PTGS1: variants seen among roughly 807,000 people sequenced by gnomAD.
PTGS1 encodes the protein prostaglandin-endoperoxide synthase 1, also known as prostaglandin G/H synthase 1.
In PTGS1, 40 loss-of-function variants were observed where a neutral mutation model predicts 63.0. The observed-to-expected ratio is 0.63, with a 90% CI of 0.49 to 0.83. The LOEUF is 0.83. Ranked by LOEUF, PTGS1 falls within the 40% of genes least tolerant of loss-of-function variation. The pLI, the probability that PTGS1 is intolerant of heterozygous loss-of-function variation, is 0.00. For missense variants in PTGS1, 709 were observed against 786.5 expected, an observed-to-expected ratio of 0.90 and a Z score of 1.18; for synonymous variants, 298 against 301.9, an observed-to-expected ratio of 0.99 and a Z score of 0.13.
intron 10 of PTGS1, among the ~76,000 whole-genome samples, chr9:122,391,398 C>CATATATATATGTAT (rs1838258931): frequency 1.1e-5 from 1 of 93,180 alleles, no homozygotes. Context: ...TATATATATA[C>CATATATATATGTAT]ATATATATAT....
upstream of PTGS1, chr9:122,370,823 T>C (rs2119100830): frequency 3.3e-6 from 2 of 606,472 alleles, no homozygotes; most frequent in South Asian, 2.0e-5. Context: ...CTATATCTAG[T>C]GCCACCAGGC....
At chr9:122,378,139 G>T in intron 3 of PTGS1, 124 bp downstream of exon 3, 1 of 1,012,752 alleles carries the variant, frequency 9.9e-7, no homozygotes. Flanking sequence ...TTCCTTGCCT[G>T]GTTCTGCCCC....
At chr9:122,374,764 A>T (rs2119118076) in intron 2 of PTGS1, among the ~76,000 whole-genome samples, 1 of 152,208 alleles carries the variant, frequency 6.6e-6, no homozygotes, top group South Asian at 2.1e-4. Flanking sequence ...GACAAATCCA[A>T]CTCAACTGGG....
intron 9 of PTGS1, among the ~76,000 whole-genome samples, chr9:122,389,287 A>T (rs374726196): frequency 6.6e-6 from 1 of 150,654 alleles, no homozygotes; most frequent in East Asian, 2.0e-4. Context: ...AATAGCTGGG[A>T]TTACTGGCAC....
At chr9:122,391,412 TATATATATATATATAC>T (rs59124418) in intron 10 of PTGS1, among the ~76,000 whole-genome samples, 10,967 of 49,176 alleles carry the variant, frequency 0.22, 638 homozygotes, top group African/African-American at 0.34. Flanking sequence ...TATATATACA[TATATATATATATATAC>T]ATATATATAT....
chr9:122,383,650 A>T lies in PTGS1; in HGVS notation c.904A>T (p.Thr302Ser). 6.2e-7 allele frequency: 1 copy of T among 1,614,100 alleles called. No homozygotes were observed. The highest frequency in any genetic ancestry group is 8.5e-7 in the Non-Finnish European group (1 of 1,180,034). The change falls in exon 8 of 11, where the codon ACG (threonine) becomes TCG (serine). Residue 302 changes from threonine (T) to serine (S), a missense_variant. By Grantham distance (58) the Thr-to-Ser change is moderately conservative. Transcript: ENST00000362012. ...GCTTCCTGGGCTCATGCTGTATGCCACGCTCTGGCTACGTGAGCACAACCG... is the reference window on the plus strand; with the variant it reads ...GCTTCCTGGGCTCATGCTGTATGCCTCGCTCTGGCTACGTGAGCACAACCG... ...GLLPGLMLYA[T>S]LWLREHNRVC... is the part of the protein sequence containing the mutation.
intron 2 of PTGS1, chr9:122,371,792 G>T (rs991000188): frequency 2.0e-6 from 3 of 1,534,820 alleles, no homozygotes; most frequent in Non-Finnish European, 2.6e-6. Flanking sequence ...TTCATCTGGG[G>T]TTTAAGAGAT....
In PTGS1 at chr9:122,377,917, A is replaced by T. The variant is rs754929199; in HGVS notation, c.113A>T (p.Tyr38Phe). ...APTPVNPCCYYPCQHQGICVR... is the reference protein window; with the variant it reads ...APTPVNPCCYFPCQHQGICVR... ...CCCACAGTGAATCCCTGTTGTTACT[A>T]TCCATGCCAGCACCAGGGCATCTGT... Residue 38 changes from tyrosine to phenylalanine, a missense_variant, in exon 3 of 11, where the codon TAT (tyrosine) becomes TTT (phenylalanine). Transcript: ENST00000362012. The T allele has an allele frequency of 3.1e-6, 5 of 1,614,028 alleles. No individual in the cohort carries two copies. The South Asian group carries it at 5.5e-5, about 18-fold the overall frequency.
In PTGS1 at chr9:122,391,347, CTATATATATACATAT is replaced by C. The variant is rs1564147086; in HGVS notation, c.1445-841_1445-827del. ...ATATATATGTGTGTGTATATATATACTATATATATACATATATATATATACATATATATATATACA... is the reference window on the plus strand; with the variant it reads ...ATATATATGTGTGTGTATATATATACATATATATACATATATATATATACA... On this transcript the variant is annotated intron_variant, in intron 10 of 10. Coordinates refer to ENST00000362012, the MANE Select transcript of PTGS1 (RefSeq NM_000962.4). 7.6e-4 allele frequency among the ~76,000 whole-genome samples: 83 copies of C among 109,558 alleles called. 1 individual carries two copies. The highest frequency in any genetic ancestry group is 2.7e-3 in the African/African-American group (74 of 27,542). 71.9% of individuals were successfully genotyped at this position (109,558 alleles called of 152,430 possible).
At position 122,386,657 on chromosome 9, in the gene PTGS1, G is replaced by A. The variant is rs372921878; in HGVS notation, c.1221G>A (p.Leu407=). The A allele has an allele frequency of 3.3e-5, 54 of 1,614,210 alleles. No individual in the cohort carries two copies. Among genetic ancestry groups the A allele is most frequent in the Non-Finnish European group, 4.3e-5 (51 of 1,180,040 alleles). Residue 407 remains leucine (L), a synonymous_variant, in exon 9 of 11, where the codon TTG becomes TTA. Coordinates refer to ENST00000362012, the MANE Select transcript of PTGS1 (RefSeq NM_000962.4). ...AGGAGTACAGCTACGAGCAGTTCTT[G>A]TTCAACACCTCCATGTTGGTGGACT... ...GSQEYSYEQF[L]FNTSMLVDYG...
At chr9:122,386,753 G>A in intron 9 of PTGS1, 21 bp downstream of exon 9, 2 of 1,608,524 alleles carry the variant, frequency 1.2e-6, no homozygotes, top group Non-Finnish European at 1.7e-6. Flanking sequence ...GAGGAGTGCT[G>A]GTGAGGGCAG....
intron 2 of PTGS1, among the ~76,000 whole-genome samples, chr9:122,376,027 G>T (rs1489609235): frequency 6.6e-6 from 1 of 152,048 alleles, no homozygotes; most frequent in Non-Finnish European, 1.5e-5. Flanking sequence ...CCAGCAGGAG[G>T]GGCAAGAAGA....
chr9:122,382,030 A>G (rs1304730126), intron 7 of PTGS1, among the ~76,000 whole-genome samples: 10 of 152,212 alleles, frequency 6.6e-5, no homozygotes, highest in Admixed American at 6.5e-4. Flanking sequence ...ATTCCACAAT[A>G]TTAATTGGAC....
At chr9:122,370,987 G>A (rs1474357564), upstream of PTGS1, 6 of 1,516,142 alleles carry the variant, frequency 4.0e-6, no homozygotes, top group Admixed American at 4.0e-5. Context: ...GTGGAGCCGG[G>A]GGAAGGGTGG....
chr9:122,381,851 A>T (rs1837549242), intron 7 of PTGS1, 104 bp downstream of exon 7: 2 of 1,216,342 alleles, frequency 1.6e-6, no homozygotes, highest in African/African-American at 3.0e-5. Context: ...GAGAGGGCCA[A>T]CCACGGGAGT....
chr9:122,391,376 TATATATATACATATATATATAC>T (rs1838247120), intron 10 of PTGS1, among the ~76,000 whole-genome samples: 1 of 106,104 alleles, frequency 9.4e-6, no homozygotes, highest in African/African-American at 4.2e-5. Flanking sequence ...TATATACATA[TATATATATACATATATATATAC>T]ATATATATAT....
At position 122,383,054 on chromosome 9, in the gene PTGS1, C is replaced by T. The variant is rs148663561; in HGVS notation, c.763-455C>T. The stretch of plus-strand genomic sequence containing the variant: ...GCGTTTGCTGAGCCTAGTGATGGAG[C>T]GTAAGAATGACTTTACAGGAAGGTG... On this transcript the variant is annotated intron_variant, in intron 7 of 10. Coordinates refer to ENST00000362012, the MANE Select transcript of PTGS1 (RefSeq NM_000962.4). 3.1e-3 allele frequency among the ~76,000 whole-genome samples: 471 copies of T among 152,054 alleles called. 1 individual carries two copies. The highest frequency in any genetic ancestry group is 4.9e-3 in the Non-Finnish European group (335 of 67,982).
At chr9:122,379,623 G>A (rs1291651551) in intron 5 of PTGS1, among the ~76,000 whole-genome samples, 2 of 152,198 alleles carry the variant, frequency 1.3e-5, no homozygotes, top group African/African-American at 4.8e-5. Context: ...GAGCACTACT[G>A]TGACGGTTTT....
intron 2 of PTGS1, among the ~76,000 whole-genome samples, chr9:122,377,367 CT>C (rs2119131831): frequency 6.6e-6 from 1 of 152,238 alleles, no homozygotes; most frequent in Non-Finnish European, 1.5e-5. Flanking sequence ...TCTCTACCTT[CT>C]GCAGAAATGG....
Sources: allele counts gnomAD v4.1 joint callset (sites outside exome capture counted in the v4.1 genomes callset), GRCh38; gene constraint gnomAD v4.1.1; transcripts MANE v1.5; gene names NCBI Gene and HGNC (gene_info 2026-07-23, HGNC 2026-07-21).